Variants in PDGFC observed in about 807,000 individuals in gnomAD.
PDGFC encodes platelet derived growth factor C.
In PDGFC, 12 loss-of-function variants were observed where a neutral mutation model predicts 35.5. The observed-to-expected ratio is 0.34, with a 90% CI of 0.22 to 0.55. PDGFC has a LOEUF of 0.55. Among genes scored for constraint, PDGFC ranks in the 20% least tolerant of loss-of-function variants. The probability of loss-of-function intolerance (pLI) is 0.91; values close to 1 mark genes in which losing one functional copy is unlikely to be tolerated. For synonymous variants in PDGFC, 159 were observed against 148.8 expected (o/e 1.07, Z -0.50); for missense variants, 322 against 412.4 (o/e 0.78, Z 1.90).
rs181348222 is a variant in PDGFC, at chr4:156,766,317, T to G, written c.921+1456A>C. 1.7e-3 allele frequency among the ~76,000 whole-genome samples: 256 copies of G among 152,252 alleles called. 2 individuals carry two copies. Among genetic ancestry groups the G allele is most frequent in the African/African-American group, 5.6e-3 (232 of 41,564 alleles). On this transcript the variant is annotated intron_variant, in intron 5 of 5. Transcript: ENST00000502773. ...ACTTGCTTTTCTGAAAATTCTTATGTGGAACTTAGAAAAATCATTAAGAAA... is the reference window on the plus strand; with the variant it reads ...ACTTGCTTTTCTGAAAATTCTTATGGGGAACTTAGAAAAATCATTAAGAAA...
chr4:156,934,692 T>C (rs1731634511), intron 1 of PDGFC, among the ~76,000 whole-genome samples: 1 of 152,222 alleles, frequency 6.6e-6, no homozygotes, highest in African/African-American at 2.4e-5. Flanking sequence ...CACAAAAGTA[T>C]TTTCTTTCTT....
chr4:156,962,410 TA>T (rs1243459053), intron 1 of PDGFC, among the ~76,000 whole-genome samples: 1 of 152,114 alleles, frequency 6.6e-6, no homozygotes, highest in Non-Finnish European at 1.5e-5. Context: ...AACCACTTAG[TA>T]AATCAATAGA....
At position 156,874,051 on chromosome 4, in the gene PDGFC, C is replaced by T. The variant is rs973866882; in HGVS notation, c.119-23635G>A. The T allele has an allele frequency of 2.0e-5, 3 of 152,278 alleles. No individual in the cohort carries two copies. In the East Asian group the frequency reaches 5.8e-4, roughly 29 times the overall value. The allele number at this position is 152,278 out of a possible 1,614,324, so 9.4% of individuals were successfully genotyped here. A position where few individuals can be genotyped will look rare whatever the true frequency, so the allele number is the denominator to read the frequency against. On this transcript the variant is annotated intron_variant, in intron 1 of 5. Transcript: ENST00000502773. ...TTATTGTGTCATATGCATATATCAT[C>T]ATGTGCAGCAGTAGTTCTCAGGAGA...
At chr4:156,920,199 TACTC>T (rs1273437011) in intron 1 of PDGFC, among the ~76,000 whole-genome samples, 2 of 152,214 alleles carry the variant, frequency 1.3e-5, no homozygotes, top group Admixed American at 6.5e-5. Flanking sequence ...CTTTCTGAAT[TACTC>T]AGTCTCAAGT....
At chr4:156,818,413 C>T (rs2113991) in intron 2 of PDGFC, among the ~76,000 whole-genome samples, 66,916 of 151,550 alleles carry the variant, frequency 0.44, 16,837 homozygotes, top group African/African-American at 0.69. Context: ...GTGTCTTCAC[C>T]GGAGTTGTGC....
At chr4:156,837,132 T>C (rs1729081772) in intron 2 of PDGFC, among the ~76,000 whole-genome samples, 1 of 152,194 alleles carries the variant, frequency 6.6e-6, no homozygotes, top group Non-Finnish European at 1.5e-5. Flanking sequence ...AAACAAAACA[T>C]TGATGAGGTT....
intron 1 of PDGFC, among the ~76,000 whole-genome samples, chr4:156,855,581 T>C (rs1157544522): frequency 6.6e-6 from 1 of 152,188 alleles, no homozygotes; most frequent in East Asian, 1.9e-4. Flanking sequence ...CAAATATGTG[T>C]TATTTTCAAA....
chr4:156,779,764 G>A (rs1049856381), intron 3 of PDGFC, among the ~76,000 whole-genome samples: 7 of 152,168 alleles, frequency 4.6e-5, no homozygotes, highest in African/African-American at 1.7e-4. Context: ...CCGTCATCAT[G>A]AAACTGGAGA....
chr4:156,915,009 T>C (rs1731124995), intron 1 of PDGFC, among the ~76,000 whole-genome samples: 1 of 152,116 alleles, frequency 6.6e-6, no homozygotes, highest in Non-Finnish European at 1.5e-5. Flanking sequence ...ATTGGGTGAC[T>C]ATGGAAACCT....
At chr4:156,878,415 T>C (rs914871173) in intron 1 of PDGFC, among the ~76,000 whole-genome samples, 2 of 152,184 alleles carry the variant, frequency 1.3e-5, no homozygotes, top group African/African-American at 4.8e-5. Flanking sequence ...CAGAAAATTG[T>C]AAATTTTTAT....
intron 3 of PDGFC, among the ~76,000 whole-genome samples, chr4:156,786,437 C>T (rs915081727): frequency 1.8e-4 from 28 of 152,146 alleles, no homozygotes; most frequent in Admixed American, 1.7e-3. Flanking sequence ...AAGGAGTTGA[C>T]GCTTGAAGTC....
chr4:156,933,354 T>A lies in PDGFC; in HGVS notation c.118+37432A>T, dbSNP rs147163860. Among the ~76,000 whole-genome samples the A allele has an allele frequency of 4.6e-3, 707 of 152,328 alleles. 6 individuals carry two copies. The highest frequency in any genetic ancestry group is 8.3e-3 in the South Asian group (40 of 4,828). On this transcript the variant is annotated intron_variant, in intron 1 of 5. Coordinates refer to ENST00000502773, the MANE Select transcript of PDGFC (RefSeq NM_016205.3). ...GCAACCCCAAAATCAATACACGGCA[T>A]CTTTTGTGGTCGTTGGCAGACATGC...
chr4:156,853,987 A>G (rs974762091), intron 1 of PDGFC, among the ~76,000 whole-genome samples: 1 of 152,202 alleles, frequency 6.6e-6, no homozygotes, highest in African/African-American at 2.4e-5. Flanking sequence ...AAAACATTAA[A>G]AAGAAAGTAA....
intron 1 of PDGFC, among the ~76,000 whole-genome samples, chr4:156,906,636 C>A (rs538078183): frequency 5.9e-5 from 9 of 152,130 alleles, no homozygotes; most frequent in African/African-American, 2.2e-4. Context: ...ATCTTGAGCA[C>A]GGACAAAGGT....
At chr4:156,918,735 C>T (rs1347376265) in intron 1 of PDGFC, among the ~76,000 whole-genome samples, 1 of 152,170 alleles carries the variant, frequency 6.6e-6, no homozygotes. Context: ...TGAAGGACAA[C>T]TCTCTTCCGT....
intron 3 of PDGFC, among the ~76,000 whole-genome samples, chr4:156,785,568 A>G (rs1283645936): frequency 6.6e-6 from 1 of 152,166 alleles, no homozygotes; most frequent in Non-Finnish European, 1.5e-5. Flanking sequence ...CTGATATGCA[A>G]GGAATCTACT....
At chr4:156,936,450 C>G (rs1194257436) in intron 1 of PDGFC, among the ~76,000 whole-genome samples, 1 of 152,158 alleles carries the variant, frequency 6.6e-6, no homozygotes, top group Non-Finnish European at 1.5e-5. Flanking sequence ...TAAATGATTA[C>G]TTTGTCTTAA....
chr4:156,785,269 T>C (rs1381163136), intron 3 of PDGFC, among the ~76,000 whole-genome samples: 1 of 152,200 alleles, frequency 6.6e-6, no homozygotes, highest in Non-Finnish European at 1.5e-5. Context: ...TGGCGCAATC[T>C]TGGCTCACTG....
intron 1 of PDGFC, among the ~76,000 whole-genome samples, chr4:156,903,487 A>G (rs906768218): frequency 2.0e-5 from 3 of 152,038 alleles, no homozygotes; most frequent in African/African-American, 7.2e-5. Flanking sequence ...AATATTACAC[A>G]GTAACAAATA....
Sources: gnomAD v4.1 joint callset for allele counts (sites outside exome capture counted in the v4.1 genomes callset) on GRCh38, gnomAD v4.1.1 for gene constraint, MANE v1.5 for transcripts, NCBI Gene and HGNC (gene_info 2026-07-23, HGNC 2026-07-21) for gene names.